MTURN: variants seen among roughly 807,000 people sequenced by gnomAD.
The protein encoded by MTURN is maturin.
In MTURN, 7 loss-of-function variants were observed where a neutral mutation model predicts 14.9. That is an observed-to-expected ratio of 0.47 (90% confidence interval 0.27 to 0.88). MTURN has a LOEUF of 0.88. Among genes scored for constraint, MTURN ranks in the 40% least tolerant of loss-of-function variants. The pLI is 0.14. For missense variants in MTURN, 151 were observed against 174.1 expected, an observed-to-expected ratio of 0.87 and a Z score of 0.75; for synonymous variants, 69 against 72.5, an observed-to-expected ratio of 0.95 and a Z score of 0.25.
At chr7:30,152,670 G>A (rs928141806) in intron 2 of MTURN, among the ~76,000 whole-genome samples, 1 of 152,210 alleles carries the variant, frequency 6.6e-6, no homozygotes, top group East Asian at 1.9e-4. Context: ...CCAGGGTACA[G>A]ACACCACCTC....
chr7:30,149,383 G>T (rs1481784273), intron 2 of MTURN, among the ~76,000 whole-genome samples: 2 of 152,180 alleles, frequency 1.3e-5, no homozygotes, highest in African/African-American at 4.8e-5. Context: ...TGGTGAGGAG[G>T]TTTGTGGGCT....
chr7:30,153,319 A>G lies in MTURN; in HGVS notation c.286-4119A>G, dbSNP rs533512877. Reference sequence around the variant, plus strand: ...TGTCCCTTAGAATTCCAGGCAGTCTATTTCTGGTGCTTTCTATCCATGCTT... The same window carrying G: ...TGTCCCTTAGAATTCCAGGCAGTCTGTTTCTGGTGCTTTCTATCCATGCTT... On this transcript the variant is annotated intron_variant, in intron 2 of 2. Transcript: ENST00000324453. 5.3e-5 allele frequency among the ~76,000 whole-genome samples: 8 copies of G among 152,300 alleles called. No homozygotes were observed. In the South Asian group the frequency reaches 8.3e-4, roughly 16 times the overall value.
chr7:30,158,828 G>T lies in MTURN; in HGVS notation c.*1280G>T, dbSNP rs1033963133. On this transcript the variant is annotated 3_prime_UTR_variant, in exon 3 of 3. Transcript: ENST00000324453. ...CCTGGTTTTAGTTAACCTAGGATGCGGAATGCCTCCTTTACAACACTAGAT... is the reference window on the plus strand; with the variant it reads ...CCTGGTTTTAGTTAACCTAGGATGCTGAATGCCTCCTTTACAACACTAGAT... 6.6e-6 allele frequency: 1 copy of T among 152,090 alleles called. No homozygotes were observed. Among genetic ancestry groups the T allele is most frequent in the Non-Finnish European group, 1.5e-5 (1 of 68,032 alleles). The allele number at this position is 152,090 out of a possible 1,614,324, so 9.4% of individuals were successfully genotyped here. A position where few individuals can be genotyped will look rare whatever the true frequency, so the allele number is the denominator to read the frequency against.
intron 1 of MTURN, among the ~76,000 whole-genome samples, chr7:30,140,345 CTTTA>C (rs551748295): frequency 3.8e-4 from 57 of 149,804 alleles, no homozygotes; most frequent in Non-Finnish European, 5.6e-4. Context: ...AAGAAAAAGG[CTTTA>C]TTTATGGCAG....
chr7:30,157,727 A>T lies in MTURN; in HGVS notation c.*179A>T, dbSNP rs144810062. On this transcript the variant is annotated 3_prime_UTR_variant, in exon 3 of 3. Coordinates refer to ENST00000324453, the MANE Select transcript of MTURN (RefSeq NM_152793.3). ...AAAATATCTGTGATGAGCTTTGCTC[A>T]GAAGTGACCTGAATTTCACTCCCGC... 2,448 of 364,954 alleles carry T rather than the reference A, an allele frequency of 6.7e-3. 14 individuals are homozygous for T. Among genetic ancestry groups the T allele is most frequent in the Non-Finnish European group, 9.9e-3 (2,023 of 204,006 alleles). 22.6% of individuals were successfully genotyped at this position (364,954 alleles called of 1,614,324 possible). A position where few individuals can be genotyped will look rare whatever the true frequency, so the allele number is the denominator to read the frequency against.
intron 2 of MTURN, 36 bp from the exon 3 acceptor site, chr7:30,157,402 G>A (rs776446235): frequency 1.5e-5 from 23 of 1,520,072 alleles, no homozygotes; most frequent in African/African-American, 4.3e-5. Context: ...GCCATTTGGC[G>A]CTCACAGCTG....
At chr7:30,149,942 G>C (rs796651814) in intron 2 of MTURN, among the ~76,000 whole-genome samples, 4 of 152,240 alleles carry the variant, frequency 2.6e-5, no homozygotes, top group African/African-American at 9.6e-5. Context: ...GTTCTGCAGG[G>C]GGTTGCTTGT....
chr7:30,144,959 GT>G (rs1420861590), intron 1 of MTURN, among the ~76,000 whole-genome samples: 1 of 91,046 alleles, frequency 1.1e-5, no homozygotes, highest in African/African-American at 4.5e-5. Context: ...TTTTGCCAGT[GT>G]TTAGCCATCC....
chr7:30,160,441 G>A lies in MTURN; in HGVS notation c.*2893G>A, dbSNP rs747088476. 1.3e-5 allele frequency: 2 copies of A among 152,392 alleles called. No homozygotes were observed. The highest frequency in any genetic ancestry group is 6.5e-5 in the Admixed American group (1 of 15,300). The allele number at this position is 152,392 out of a possible 1,614,324, so 9.4% of individuals were successfully genotyped here. On this transcript the variant is annotated 3_prime_UTR_variant, in exon 3 of 3. Coordinates refer to ENST00000324453, the MANE Select transcript of MTURN (RefSeq NM_152793.3). ...GGCAGACTGGGGCTTTGGAAGTGGT[G>A]TATGTTTAACTTACCTGAGAGTGAG...
Position 30,146,237 on chromosome 7 carries a change from T to G in MTURN, c.223T>G (p.Ser75Ala), listed in dbSNP as rs1353211079. Residue 75 changes from serine (S) to alanine (A), a missense_variant, in exon 2 of 3, where the codon TCC becomes GCC. Physicochemically the swap from Ser to Ala is moderately conservative, Grantham distance 99. Transcript: ENST00000324453. ...CTTGCAGCTAGCACAGGATTACATC[T>G]CCTCCTGCGGCAAGAAGACGCTCCA... ...PFLQLAQDYI[S>A]SCGKKTLHEV... is the part of the protein sequence containing the mutation. 6.2e-7 allele frequency: 1 copy of G among 1,614,150 alleles called. No homozygotes were observed. The highest frequency in any genetic ancestry group is 1.3e-5 in the African/African-American group (1 of 75,048).
At chr7:30,138,491 G>T (rs941311944) in intron 1 of MTURN, among the ~76,000 whole-genome samples, 1 of 152,048 alleles carries the variant, frequency 6.6e-6, no homozygotes, top group African/African-American at 2.4e-5. Context: ...TTTGAGAAAG[G>T]TATCTAAAGT....
intron 1 of MTURN, among the ~76,000 whole-genome samples, chr7:30,143,520 A>G (rs982506612): frequency 6.6e-6 from 1 of 152,048 alleles, no homozygotes; most frequent in Non-Finnish European, 1.5e-5. Context: ...GCATTTAGTA[A>G]ATGATGTCTT....
chr7:30,138,613 T>C (rs748927411), intron 1 of MTURN, among the ~76,000 whole-genome samples: 7 of 152,034 alleles, frequency 4.6e-5, no homozygotes, highest in Non-Finnish European at 1.0e-4. Flanking sequence ...GTGGAGGTAC[T>C]AAATAGATCC....
chr7:30,154,739 T>G (rs2128033804), intron 2 of MTURN, among the ~76,000 whole-genome samples: 1 of 152,290 alleles, frequency 6.6e-6, no homozygotes, highest in East Asian at 1.9e-4. Context: ...CTAAGGTGCC[T>G]CCAAATTCCA....
At position 30,135,205 on chromosome 7, in the gene MTURN, C is replaced by T. The variant is rs745544514; in HGVS notation, c.69C>T (p.Ala23=). The stretch of plus-strand genomic sequence containing the variant: ...CCAACACGCCCTTCGAGCTCATCGC[C>T]ACCGAGGAGACCGAACGCAGGATGG... ...WCSNTPFELI[A]TEETERRMDF... The change falls in exon 1 of 3, where the codon GCC becomes GCT. Residue 23 remains alanine, a synonymous_variant. Coordinates refer to ENST00000324453, the MANE Select transcript of MTURN (RefSeq NM_152793.3). 14 of 1,513,112 alleles carry T rather than the reference C, an allele frequency of 9.3e-6. No individual in the cohort carries two copies. Among genetic ancestry groups the T allele is most frequent in the South Asian group, 2.4e-5 (2 of 81,788 alleles). 93.7% of individuals were successfully genotyped at this position (1,513,112 alleles called of 1,614,324 possible).
In MTURN at chr7:30,146,216, C is replaced by G; in HGVS notation, c.202C>G (p.Gln68Glu). The G allele has an allele frequency of 6.2e-7, 1 of 1,614,190 alleles. No homozygotes were observed. The highest frequency in any genetic ancestry group is 8.5e-7 in the Non-Finnish European group (1 of 1,180,044). The change falls in exon 2 of 3, where the codon CAG becomes GAG. Residue 68 changes from glutamine (Q) to glutamate (E), a missense_variant. Coordinates refer to ENST00000324453, the MANE Select transcript of MTURN (RefSeq NM_152793.3). ...GAGCGAGGACTGCCTGCCTTTCTTG[C>G]AGCTAGCACAGGATTACATCTCCTC... Reference protein sequence around the residue: ...SESEDCLPFLQLAQDYISSCG... With the variant: ...SESEDCLPFLELAQDYISSCG...
chr7:30,141,647 C>T (rs1797054606), intron 1 of MTURN, among the ~76,000 whole-genome samples: 1 of 152,092 alleles, frequency 6.6e-6, no homozygotes, highest in Non-Finnish European at 1.5e-5. Flanking sequence ...TTCATCCTGG[C>T]AAGTAGCCAG....
intron 1 of MTURN, among the ~76,000 whole-genome samples, chr7:30,142,828 G>A (rs997349): frequency 0.37 from 56,082 of 152,076 alleles, 11,021 homozygotes; most frequent in African/African-American, 0.5. Context: ...TAGAGAGTCA[G>A]TACTTTCCGT....
chr7:30,145,686 A>G, intron 1 of MTURN: 1 of 735,658 alleles, frequency 1.4e-6, no homozygotes, highest in South Asian at 2.2e-5. Context: ...ATTTGGAAGT[A>G]AATTTACCAC....
Sources: gnomAD v4.1 joint callset for allele counts (sites outside exome capture counted in the v4.1 genomes callset) on GRCh38, gnomAD v4.1.1 for gene constraint, MANE v1.5 for transcripts, NCBI Gene and HGNC (gene_info 2026-07-23, HGNC 2026-07-21) for gene names.